Variants in TAFA2 observed in about 807,000 individuals in gnomAD.
TAFA2 encodes chemokine-like protein TAFA-2.
A neutral mutation model predicts 18.8 loss-of-function variants in TAFA2; 7 were observed. The ratio of observed to expected loss-of-function variants is 0.37; its 90% confidence interval spans 0.21 to 0.70. The LOEUF (loss-of-function observed/expected upper bound fraction) is 0.70. TAFA2 is among the 30% of genes least tolerant of loss of function. The pLI is 0.53. For synonymous variants in TAFA2, 60 were observed against 54.2 expected, an observed-to-expected ratio of 1.11 and a Z score of -0.47; for missense variants, 122 against 158.1, an observed-to-expected ratio of 0.77 and a Z score of 1.23.
intron 1 of TAFA2, among the ~76,000 whole-genome samples, chr12:62,077,332 T>C (rs1434781271): frequency 6.6e-6 from 1 of 152,242 alleles, no homozygotes. Context: ...TTCACTGATA[T>C]TTTGGCTCAA....
At chr12:62,151,637 A>C (rs1488802345) in intron 1 of TAFA2, among the ~76,000 whole-genome samples, 2 of 152,210 alleles carry the variant, frequency 1.3e-5, no homozygotes, top group African/African-American at 4.8e-5. Flanking sequence ...TTAGCTATTT[A>C]TTCTGATTCC....
At chr12:61,773,595 A>G (rs1022875187) in intron 2 of TAFA2, among the ~76,000 whole-genome samples, 4 of 152,054 alleles carry the variant, frequency 2.6e-5, no homozygotes, top group African/African-American at 9.7e-5. Flanking sequence ...AAACGAAAAC[A>G]TAAAGTGGAG....
intron 1 of TAFA2, among the ~76,000 whole-genome samples, chr12:61,946,217 T>C (rs1878263756): frequency 6.6e-6 from 1 of 150,822 alleles, no homozygotes; most frequent in South Asian, 2.1e-4. Context: ...AAGGATTCCC[T>C]ATTTAATAAA....
intron 1 of TAFA2, among the ~76,000 whole-genome samples, chr12:61,883,472 A>T (rs546798671): frequency 6.6e-6 from 1 of 152,320 alleles, no homozygotes; most frequent in South Asian, 2.1e-4. Context: ...GCTATTACGA[A>T]GTTCTTATTT....
chr12:61,861,746 G>A (rs1258555643), intron 2 of TAFA2, among the ~76,000 whole-genome samples: 1 of 152,016 alleles, frequency 6.6e-6, no homozygotes, highest in Non-Finnish European at 1.5e-5. Flanking sequence ...TTTAAAATTT[G>A]GTTATTACCG....
At chr12:61,809,374 TA>T (rs1336161509) in intron 2 of TAFA2, among the ~76,000 whole-genome samples, 3 of 151,556 alleles carry the variant, frequency 2.0e-5, no homozygotes, top group African/African-American at 7.3e-5. Context: ...TAAACTGTTT[TA>T]AAAATAGTGA....
rs144633245 is a variant in TAFA2 at position 61,748,342 on chromosome 12, AC to A, written c.384+5279del. ...AAGGTCATTACAGTCTGTGCTGTGG[AC>A]CAGAATGTAATTTAGGGCCTGACTG... On this transcript the variant is annotated intron_variant, in intron 4 of 4. Coordinates refer to ENST00000416284, the MANE Select transcript of TAFA2 (RefSeq NM_178539.5). Among the ~76,000 whole-genome samples the A allele has an allele frequency of 3.3e-3, 501 of 152,222 alleles. 4 individuals carry two copies. Among genetic ancestry groups the A allele is most frequent in the African/African-American group, 0.011 (468 of 41,560 alleles).
intron 4 of TAFA2, among the ~76,000 whole-genome samples, chr12:61,735,729 T>A (rs915041035): frequency 6.6e-6 from 1 of 151,860 alleles, no homozygotes; most frequent in African/African-American, 2.4e-5. Flanking sequence ...AATTTTTTAA[T>A]GTTTGTCTTA....
chr12:61,767,507 GC>G (rs923337531), intron 2 of TAFA2, among the ~76,000 whole-genome samples: 10 of 151,806 alleles, frequency 6.6e-5, no homozygotes, highest in African/African-American at 2.4e-4. Context: ...TATGTGGTAT[GC>G]TTTGAAGCCA....
intron 2 of TAFA2, among the ~76,000 whole-genome samples, chr12:61,812,258 A>G (rs1342424985): frequency 6.6e-6 from 1 of 151,492 alleles, no homozygotes; most frequent in Non-Finnish European, 1.5e-5. Context: ...CTGAAGACAT[A>G]ATAAGAAAGG....
intron 1 of TAFA2, among the ~76,000 whole-genome samples, chr12:62,187,770 T>C (rs939699886): frequency 3.3e-5 from 5 of 152,190 alleles, no homozygotes; most frequent in African/African-American, 9.6e-5. Flanking sequence ...CTAACTTCTA[T>C]GTCTCTGTTT....
intron 1 of TAFA2, among the ~76,000 whole-genome samples, chr12:62,016,538 T>C (rs1880941703): frequency 6.6e-6 from 1 of 152,170 alleles, no homozygotes; most frequent in Non-Finnish European, 1.5e-5. Context: ...ACACTCCAAC[T>C]GCCCTCAGAC....
intron 4 of TAFA2, among the ~76,000 whole-genome samples, chr12:61,719,992 T>C (rs1028400462): frequency 1.1e-4 from 17 of 152,168 alleles, no homozygotes; most frequent in Non-Finnish European, 2.1e-4. Flanking sequence ...TTCTGAAGGA[T>C]AGGGCAACAC....
intron 1 of TAFA2, among the ~76,000 whole-genome samples, chr12:62,199,873 C>T (rs981530410): frequency 5.3e-5 from 8 of 152,162 alleles, no homozygotes; most frequent in African/African-American, 1.9e-4. Flanking sequence ...TTCCCACCAA[C>T]AGTGTAAAAG....
chr12:62,085,983 A>G (rs1308530766), intron 1 of TAFA2, among the ~76,000 whole-genome samples: 1 of 152,070 alleles, frequency 6.6e-6, no homozygotes, highest in Non-Finnish European at 1.5e-5. Flanking sequence ...TCCTGCCACC[A>G]TGTGAAGAAG....
intron 1 of TAFA2, chr12:61,890,252 C>T (rs185431428): frequency 6.6e-6 from 1 of 152,364 alleles, no homozygotes; most frequent in African/African-American, 2.4e-5. Flanking sequence ...ACCGTGTTTG[C>T]ATAAATATAA....
chr12:61,856,739 G>A (rs1873901403), intron 2 of TAFA2, among the ~76,000 whole-genome samples: 1 of 151,772 alleles, frequency 6.6e-6, no homozygotes, highest in Non-Finnish European at 1.5e-5. Context: ...TTTAGAATTT[G>A]AGTCATTTGA....
At chr12:61,961,140 G>A (rs778457441) in intron 1 of TAFA2, among the ~76,000 whole-genome samples, 5 of 151,836 alleles carry the variant, frequency 3.3e-5, no homozygotes, top group Non-Finnish European at 5.9e-5. Flanking sequence ...CAGAGAAGGA[G>A]GAAAGAGAGA....
chr12:61,869,446 T>C (rs1280121739), intron 1 of TAFA2, among the ~76,000 whole-genome samples: 1 of 152,204 alleles, frequency 6.6e-6, no homozygotes, highest in Non-Finnish European at 1.5e-5. Context: ...TCAGTCAGAC[T>C]AGCATTTTCC....
Sources: allele counts gnomAD v4.1 joint callset (sites outside exome capture counted in the v4.1 genomes callset), GRCh38; gene constraint gnomAD v4.1.1; transcripts MANE v1.5; gene names NCBI Gene and HGNC (gene_info 2026-07-23, HGNC 2026-07-21).